Variants in MIB1 observed in about 807,000 individuals in gnomAD.
MIB1 encodes E3 ubiquitin-protein ligase MIB1.
A neutral mutation model predicts 124.5 loss-of-function variants in MIB1; 278 were observed. The ratio of observed to expected loss-of-function variants is 2.23; its 90% CI spans 2.02 to 2.47. The LOEUF (loss-of-function observed/expected upper bound fraction) is 2.47. MIB1 is among the 30% of genes most tolerant of loss of function. MIB1 has a pLI of 0.00. For missense variants in MIB1, 957 were observed against 1,254.4 expected (o/e 0.76, Z 3.58); for synonymous variants, 446 against 429.4 (o/e 1.04, Z -0.48).
At chr18:21,714,473 C>A (rs2040679659) in intron 1 of MIB1, among the ~76,000 whole-genome samples, 1 of 152,102 alleles carries the variant, frequency 6.6e-6, no homozygotes, top group African/African-American at 2.4e-5. Context: ...TTAATTAGCT[C>A]CCCCATCTCT....
At chr18:21,751,338 A>G (rs3017030) in intron 1 of MIB1, among the ~76,000 whole-genome samples, 91,808 of 151,994 alleles carry the variant, frequency 0.6, 30,529 homozygotes, top group African/African-American at 0.9. Context: ...GTGCAGTGGC[A>G]CGATCTTGGC....
chr18:21,849,285 A>G lies in MIB1; in HGVS notation c.2483A>G (p.Asp828Gly). 6.2e-7 allele frequency: 1 copy of G among 1,612,514 alleles called. No homozygotes were observed. Among genetic ancestry groups the G allele is most frequent in the Non-Finnish European group, 8.5e-7 (1 of 1,178,944 alleles). The part of the protein sequence containing the change: ...ECMVCSDMKR[D>G]TLFGPCGHIA... ...ATGGTGTGCTCAGATATGAAGAGAG[A>G]TACTCTTTTTGGTCCATGTGGACAT... Residue 828 changes from aspartate (D) to glycine (G), a missense_variant, in exon 17 of 21, where the codon GAT becomes GGT. By Grantham distance (94) the Asp-to-Gly change is moderately conservative (BLOSUM62 -1). Transcript: ENST00000261537.
chr18:21,783,597 T>C (rs2041397306), intron 6 of MIB1, among the ~76,000 whole-genome samples: 1 of 152,098 alleles, frequency 6.6e-6, no homozygotes. Flanking sequence ...TTGTTGTTAT[T>C]GATAGGTAAA....
Position 21,848,181 on chromosome 18 carries a change from C to T in MIB1, c.2394-1015C>T, listed in dbSNP as rs578028521. Among the ~76,000 whole-genome samples the T allele has an allele frequency of 2.4e-3, 359 of 152,166 alleles. 1 individual carries two copies. Among genetic ancestry groups the T allele is most frequent in the Non-Finnish European group, 4.4e-3 (299 of 67,998 alleles). ...TATTACAAAAAGAGAATGCATCGGC[C>T]GGGCGTGGTGGCTCACACCTGTAAT... On this transcript the variant is annotated intron_variant, in intron 16 of 20. Transcript: ENST00000261537.
At chr18:21,780,175 A>G (rs562671136) in intron 6 of MIB1, among the ~76,000 whole-genome samples, 3 of 152,296 alleles carry the variant, frequency 2.0e-5, no homozygotes, top group Non-Finnish European at 4.4e-5. Flanking sequence ...CCATGCATAC[A>G]ATGTATAATG....
At chr18:21,758,322 G>T (rs1326165840) in intron 1 of MIB1, among the ~76,000 whole-genome samples, 1 of 152,152 alleles carries the variant, frequency 6.6e-6, no homozygotes, top group Non-Finnish European at 1.5e-5. Flanking sequence ...TAGAGTTGAG[G>T]CAATTTCTAA....
Position 21,806,194 on chromosome 18 carries a change from T to G in MIB1, c.1479+2180T>G, listed in dbSNP as rs546163582. ...GCTGGGATTACTGGCATGAGCCCCA[T>G]GCCTGGCCAGATTTTTTTTTTTTTT... is the stretch of plus-strand genomic sequence containing the variant. On this transcript the variant is annotated intron_variant, in intron 10 of 20. Coordinates refer to ENST00000261537, the MANE Select transcript of MIB1 (RefSeq NM_020774.4). Among the ~76,000 whole-genome samples the G allele has an allele frequency of 2.6e-3, 400 of 151,524 alleles. 2 individuals carry two copies. The highest frequency in any genetic ancestry group is 8.7e-3 in the African/African-American group (357 of 41,230).
chr18:21,858,129 T>C (rs563786853), intron 19 of MIB1, among the ~76,000 whole-genome samples: 2 of 152,318 alleles, frequency 1.3e-5, no homozygotes, highest in South Asian at 4.1e-4. Flanking sequence ...CTCATAAAAA[T>C]CATCTGAGAG....
intron 1 of MIB1, among the ~76,000 whole-genome samples, chr18:21,745,675 A>AACACACACACACACACACACACACAC (rs144491531): frequency 3.5e-5 from 5 of 144,652 alleles, no homozygotes; most frequent in African/African-American, 1.3e-4. Context: ...ATAGGTGTTA[A>AACACACACACACACACACACACACAC]ACACACACAC....
chr18:21,778,184 T>G lies in MIB1; in HGVS notation c.703+15T>G. ...CCCTGTGCTAGGTGAGTGAGAAGAT[T>G]AGAGAGTATTACTAAATAATGGGTC... On this transcript the variant is annotated intron_variant, in intron 5 of 20. Coordinates refer to ENST00000261537, the MANE Select transcript of MIB1 (RefSeq NM_020774.4). 6 of 1,536,720 alleles carry G rather than the reference T, an allele frequency of 3.9e-6. No homozygotes were observed. The highest frequency in any genetic ancestry group is 5.4e-6 in the Non-Finnish European group (6 of 1,111,076).
chr18:21,712,262 A>T (rs1598577555), intron 1 of MIB1: 4 of 152,452 alleles, frequency 2.6e-5, no homozygotes, highest in Middle Eastern at 6.8e-3. Context: ...TCAAAGGAGA[A>T]ATCAGAATTG....
intron 12 of MIB1, among the ~76,000 whole-genome samples, chr18:21,836,550 A>G (rs2042034981): frequency 2.0e-5 from 3 of 152,166 alleles, no homozygotes; most frequent in Admixed American, 6.5e-5. Context: ...TAATTTATCA[A>G]TTATAGGCAT....
At chr18:21,852,051 C>T (rs2042185105) in intron 17 of MIB1, among the ~76,000 whole-genome samples, 1 of 152,130 alleles carries the variant, frequency 6.6e-6, no homozygotes, top group African/African-American at 2.4e-5. Flanking sequence ...TTATATATTA[C>T]ACATTGAACT....
chr18:21,753,826 G>C (rs1384670911), intron 1 of MIB1, among the ~76,000 whole-genome samples: 1 of 151,990 alleles, frequency 6.6e-6, no homozygotes, highest in Non-Finnish European at 1.5e-5. Context: ...ATAGGCGCCT[G>C]CCACCACACC....
chr18:21,793,106 C>T (rs992572183), intron 7 of MIB1, among the ~76,000 whole-genome samples: 3 of 152,226 alleles, frequency 2.0e-5, no homozygotes, highest in East Asian at 1.9e-4. Flanking sequence ...CTGATAGATC[C>T]GAGAACAGGA....
At chr18:21,815,929 A>T in intron 11 of MIB1, 116 bp downstream of exon 11, 2 of 929,588 alleles carry the variant, frequency 2.2e-6, no homozygotes, top group South Asian at 3.6e-5. Flanking sequence ...ATAGTAAATG[A>T]TACCAAAGGC....
intron 13 of MIB1, among the ~76,000 whole-genome samples, chr18:21,842,630 C>T (rs919305047): frequency 1.3e-5 from 2 of 152,094 alleles, no homozygotes; most frequent in Admixed American, 6.6e-5. Flanking sequence ...ATTTTATGTA[C>T]GAATTAAGCA....
intron 11 of MIB1, among the ~76,000 whole-genome samples, chr18:21,818,526 A>G (rs1374705576): frequency 6.6e-6 from 1 of 152,152 alleles, no homozygotes; most frequent in Non-Finnish European, 1.5e-5. Context: ...AGCATGTGCC[A>G]GGAGTGGTGG....
rs186507319 is a variant in MIB1 at position 21,818,824 on chromosome 18, A to G, written c.1678-671A>G. ...GTGGTGGGTGCCTGTAATCCCAGTT[A>G]CTTGGGAGGCTGAGGCAGGAGAATC... On this transcript the variant is annotated intron_variant, in intron 11 of 20. Coordinates refer to ENST00000261537, the MANE Select transcript of MIB1 (RefSeq NM_020774.4). 5.1e-3 allele frequency among the ~76,000 whole-genome samples: 769 copies of G among 152,232 alleles called. 4 individuals carry two copies. Among genetic ancestry groups the G allele is most frequent in the Non-Finnish European group, 8.8e-3 (599 of 67,996 alleles).
Sources: allele counts gnomAD v4.1 joint callset (sites outside exome capture counted in the v4.1 genomes callset), GRCh38; gene constraint gnomAD v4.1.1; transcripts MANE v1.5; gene names NCBI Gene and HGNC (gene_info 2026-07-23, HGNC 2026-07-21).